SERINC5: variants seen among roughly 807,000 people sequenced by gnomAD.
The protein encoded by SERINC5 is chromosome 5 open reading frame 12.
A neutral mutation model predicts 63.1 loss-of-function variants in SERINC5; 41 were observed. The ratio of observed to expected loss-of-function variants is 0.65; its 90% CI spans 0.51 to 0.84. The LOEUF is 0.84. SERINC5 is among the 40% of genes least tolerant of loss of function. SERINC5 has a pLI of 0.00. For synonymous variants in SERINC5, 222 were observed against 215.2 expected (o/e 1.03, Z -0.28); for missense variants, 523 against 573.0 (o/e 0.91, Z 0.89).
chr5:80,232,347 T>A (rs1156582115), intron 1 of SERINC5, among the ~76,000 whole-genome samples: 1 of 148,342 alleles, frequency 6.7e-6, no homozygotes, highest in Non-Finnish European at 1.5e-5. Context: ...GAGCTTGCAG[T>A]GAGCTGAGAT....
chr5:80,154,166 T>G (rs1746367813), intron 8 of SERINC5, among the ~76,000 whole-genome samples: 1 of 151,960 alleles, frequency 6.6e-6, no homozygotes, highest in Non-Finnish European at 1.5e-5. Flanking sequence ...GGGTGGAAGA[T>G]TTCTTTTTCT....
intron 2 of SERINC5, among the ~76,000 whole-genome samples, chr5:80,202,533 C>T (rs575660111): frequency 1.3e-5 from 2 of 152,036 alleles, no homozygotes; most frequent in East Asian, 3.9e-4. Flanking sequence ...ATGGATGCAC[C>T]GAAGGCCCTG....
chr5:80,143,834 G>A (rs777040901), intron 11 of SERINC5, 24 bp from the exon 12 acceptor site: 21 of 1,535,212 alleles, frequency 1.4e-5, no homozygotes, highest in Middle Eastern at 1.7e-4. Flanking sequence ...ACACCTAGCC[G>A]CGGTCAAAGC....
At chr5:80,224,928 TTTTTTTG>T (rs1256605411) in intron 1 of SERINC5, among the ~76,000 whole-genome samples, 14 of 70,036 alleles carry the variant, frequency 2.0e-4, no homozygotes, top group Non-Finnish European at 3.3e-4. Flanking sequence ...CCAGCGTTTT[TTTTTTTG>T]TTTTTTTTTG....
chr5:80,174,161 G>A (rs1415209113), intron 5 of SERINC5, among the ~76,000 whole-genome samples: 1 of 151,630 alleles, frequency 6.6e-6, no homozygotes, highest in Non-Finnish European at 1.5e-5. Flanking sequence ...AGGAATTCAA[G>A]ATCAGCCTGG....
At chr5:80,247,376 G>T (rs747803301) in intron 1 of SERINC5, among the ~76,000 whole-genome samples, 1 of 152,070 alleles carries the variant, frequency 6.6e-6, no homozygotes, top group Non-Finnish European at 1.5e-5. Context: ...AAACGAGGGC[G>T]GAAAGCAAGC....
rs148134586 is a variant in SERINC5 at position 80,221,343 on chromosome 5, G to A, written c.28-18290C>T. ...ACACACCCAACAGCCAGCTGCCCTCGCTCTTCATTCAGAAGGGTCCTTTGG... is the reference window on the plus strand; with the variant it reads ...ACACACCCAACAGCCAGCTGCCCTCACTCTTCATTCAGAAGGGTCCTTTGG... On this transcript the variant is annotated intron_variant, in intron 1 of 11. Transcript: ENST00000507668. Among the ~76,000 whole-genome samples the A allele has an allele frequency of 5.2e-3, 787 of 152,240 alleles. 5 individuals carry two copies. Among genetic ancestry groups the A allele is most frequent in the Middle Eastern group, 0.01 (3 of 294 alleles).
intron 2 of SERINC5, among the ~76,000 whole-genome samples, chr5:80,200,889 T>C (rs1749796040): frequency 6.7e-6 from 1 of 150,276 alleles, no homozygotes; most frequent in Admixed American, 6.6e-5. Flanking sequence ...AGGTCAGGAG[T>C]TCCAGACCAG....
At chr5:80,187,930 C>T (rs1288120725) in intron 2 of SERINC5, among the ~76,000 whole-genome samples, 1 of 152,150 alleles carries the variant, frequency 6.6e-6, no homozygotes, top group African/African-American at 2.4e-5. Flanking sequence ...AGAAGGGCTC[C>T]TCCACAGATG....
chr5:80,145,464 T>C (rs1745758014), intron 11 of SERINC5, among the ~76,000 whole-genome samples: 1 of 152,102 alleles, frequency 6.6e-6, no homozygotes, highest in African/African-American at 2.4e-5. Flanking sequence ...TTACTTTTCA[T>C]AATTCCACAT....
chr5:80,159,296 GTAGGGTGCAGA>G (rs1358852760), intron 7 of SERINC5, among the ~76,000 whole-genome samples: 1 of 152,186 alleles, frequency 6.6e-6, no homozygotes, highest in Non-Finnish European at 1.5e-5. Context: ...CTAAAGAGAG[GTAGGGTGCAGA>G]TACCAAGCAG....
rs747034909 is a variant in SERINC5, at chr5:80,160,946, GTA to G, written c.860-1986_860-1985del. ...TGTGTGTGTGTGTGTATATATATGT[GTA>G]TATATATATGTGTGTGTATATATAT... On this transcript the variant is annotated intron_variant, in intron 7 of 11. Coordinates refer to ENST00000507668, the MANE Select transcript of SERINC5 (RefSeq NM_001174072.3). Among the ~76,000 whole-genome samples, 496 of 135,110 alleles carry G rather than the reference GTA, an allele frequency of 3.7e-3. 1 individual carries two copies. The highest frequency in any genetic ancestry group is 0.016 in the Middle Eastern group (4 of 250). 88.6% of individuals were successfully genotyped at this position (135,110 alleles called of 152,430 possible). A position where few individuals can be genotyped will look rare whatever the true frequency, so the allele number is the denominator to read the frequency against.
intron 4 of SERINC5, 39 bp downstream of exon 4, chr5:80,177,276 A>G: frequency 6.8e-7 from 1 of 1,471,148 alleles, no homozygotes; most frequent in Non-Finnish European, 9.4e-7. Flanking sequence ...AAATGGGTAA[A>G]AACAAAATAA....
intron 2 of SERINC5, among the ~76,000 whole-genome samples, chr5:80,202,002 C>A (rs545367545): frequency 1.3e-5 from 2 of 152,246 alleles, no homozygotes; most frequent in East Asian, 3.9e-4. Flanking sequence ...TTTTGGGAGG[C>A]CAAGGCGGGT....
At chr5:80,178,900 C>T (rs1403178318) in intron 2 of SERINC5, among the ~76,000 whole-genome samples, 2 of 152,076 alleles carry the variant, frequency 1.3e-5, no homozygotes, top group African/African-American at 4.8e-5. Context: ...ACATACACAA[C>T]ACACATACAT....
intron 1 of SERINC5, among the ~76,000 whole-genome samples, chr5:80,224,952 TTTTTTTTA>T (rs1751103783): frequency 8.3e-5 from 3 of 36,002 alleles, no homozygotes; most frequent in Admixed American, 3.0e-4. Context: ...TTTGTTTTTT[TTTTTTTTA>T]GACAAGTTTT....
intron 2 of SERINC5, among the ~76,000 whole-genome samples, chr5:80,201,790 AC>A (rs1749852551): frequency 6.6e-6 from 1 of 151,850 alleles, no homozygotes; most frequent in Non-Finnish European, 1.5e-5. Flanking sequence ...CCAAAAATCC[AC>A]CCCTCACCCA....
At chr5:80,245,369 A>G (rs867288737) in intron 1 of SERINC5, among the ~76,000 whole-genome samples, 1 of 152,274 alleles carries the variant, frequency 6.6e-6, no homozygotes, top group Middle Eastern at 3.4e-3. Context: ...GGGCTCATCC[A>G]CTTCTGGGGG....
intron 7 of SERINC5, among the ~76,000 whole-genome samples, chr5:80,164,801 G>A (rs1366664110): frequency 6.6e-6 from 1 of 151,476 alleles, no homozygotes; most frequent in Non-Finnish European, 1.5e-5. Flanking sequence ...TTTCATATAG[G>A]CATTTAATGC....
Sources: allele counts gnomAD v4.1 joint callset (sites outside exome capture counted in the v4.1 genomes callset), GRCh38; gene constraint gnomAD v4.1.1; transcripts MANE v1.5; gene names NCBI Gene and HGNC (gene_info 2026-07-23, HGNC 2026-07-21).